The following FBLN7 variants were observed in gnomAD, a reference collection of about 807,000 sequenced individuals.
The protein encoded by FBLN7 is fibulin-7.
A neutral mutation model predicts 44.0 loss-of-function variants in FBLN7; 31 were observed. The ratio of observed to expected loss-of-function variants is 0.70; its 90% CI spans 0.53 to 0.95. The LOEUF (loss-of-function observed/expected upper bound fraction) is 0.95. FBLN7 is among the 40% of genes least tolerant of loss of function. The pLI is 0.00. For synonymous variants in FBLN7, 262 were observed against 253.4 expected (o/e 1.03, Z -0.32); for missense variants, 573 against 618.5 (o/e 0.93, Z 0.78).
the FBLN7 span, among the ~76,000 whole-genome samples, chr2:112,232,191 C>T: frequency 4.0e-5 from 6 of 151,780 alleles, no homozygotes; most frequent in Admixed American, 1.3e-4. Flanking sequence ...GCAGGCATGC[C>T]TGTAATCCCA....
chr2:112,164,108 T>C (rs1682013192), intron 2 of FBLN7, among the ~76,000 whole-genome samples: 3 of 152,204 alleles, frequency 2.0e-5, no homozygotes, highest in African/African-American at 7.2e-5. Context: ...TTGCTTATTA[T>C]CTCCCCTGCT....
chr2:112,187,964 T>G lies in FBLN7; in HGVS notation c.*458T>G, dbSNP rs974037147. 1.6e-5 allele frequency: 3 copies of G among 191,656 alleles called. No homozygotes were observed. The highest frequency in any genetic ancestry group is 4.7e-5 in the African/African-American group (2 of 42,586). The allele number at this position is 191,656 out of a possible 1,614,324, so 11.9% of individuals were successfully genotyped here. On this transcript the variant is annotated 3_prime_UTR_variant, in exon 8 of 8. Coordinates refer to ENST00000331203, the MANE Select transcript of FBLN7 (RefSeq NM_153214.3). The surrounding 1 kb of genome is among the most constrained non-coding windows in gnomAD (Gnocchi z 5.1). ...TAGTCATGCCTCTGCGCATGTGGCA[T>G]AGGAAGTGGAGTCTCCTCCCATGAC...
chr2:112,197,270 CACACAG>C, the FBLN7 span, among the ~76,000 whole-genome samples: 311 of 126,290 alleles, frequency 2.5e-3, 1 homozygote, highest in African/African-American at 9.2e-3. Flanking sequence ...CACACACACA[CACACAG>C]AGAGAGAGAG....
chr2:112,237,684 T>C, the FBLN7 span, among the ~76,000 whole-genome samples: 1 of 151,988 alleles, frequency 6.6e-6, no homozygotes, highest in African/African-American at 2.4e-5. Flanking sequence ...CAAGTGATTC[T>C]CGTGCCTCAG....
intron 3 of FBLN7, among the ~76,000 whole-genome samples, chr2:112,167,689 G>A (rs1682231918): frequency 6.6e-6 from 1 of 152,170 alleles, no homozygotes; most frequent in African/African-American, 2.4e-5. Context: ...AAGTAATACT[G>A]CTGTTAACTA....
At chr2:112,236,821 A>T in the FBLN7 span, 1 of 878,928 alleles carries the variant, frequency 1.1e-6, no homozygotes, top group Non-Finnish European at 1.7e-6. Context: ...CTGAGGCAGG[A>T]GGACTGCTCA....
intron 3 of FBLN7, among the ~76,000 whole-genome samples, chr2:112,173,779 G>C (rs1233700695): frequency 6.6e-6 from 1 of 152,240 alleles, no homozygotes; most frequent in Non-Finnish European, 1.5e-5. Flanking sequence ...GATGACAACT[G>C]TACTTCAATC....
chr2:112,168,392 G>C (rs892911651), intron 3 of FBLN7, among the ~76,000 whole-genome samples: 1 of 152,138 alleles, frequency 6.6e-6, no homozygotes, highest in Admixed American at 6.5e-5. Context: ...AGCATAGATG[G>C]GGCCTGGGCA....
At chr2:112,184,370 G>A (rs1378768945) in intron 6 of FBLN7, among the ~76,000 whole-genome samples, 2 of 152,198 alleles carry the variant, frequency 1.3e-5, no homozygotes, top group Non-Finnish European at 2.9e-5. Flanking sequence ...CCCGCTGCAG[G>A]GCTCTGAGGA....
intron 3 of FBLN7, among the ~76,000 whole-genome samples, chr2:112,171,644 TTTATC>T (rs1043499668): frequency 1.3e-5 from 2 of 152,240 alleles, no homozygotes; most frequent in Non-Finnish European, 2.9e-5. Context: ...CTTCTAGTCT[TTTATC>T]TAAGCACATA....
the FBLN7 span, among the ~76,000 whole-genome samples, chr2:112,202,060 G>A: frequency 6.6e-6 from 1 of 152,128 alleles, no homozygotes; most frequent in Non-Finnish European, 1.5e-5. Context: ...GATACAGCTG[G>A]GATACAAAGC....
chr2:112,207,487 G>A, the FBLN7 span, among the ~76,000 whole-genome samples: 1 of 149,684 alleles, frequency 6.7e-6, no homozygotes, highest in African/African-American at 2.5e-5. Flanking sequence ...AAAAAAGAAT[G>A]TGTATTCTAC....
chr2:112,232,065 T>C, the FBLN7 span: 2 of 502,236 alleles, frequency 4.0e-6, no homozygotes, highest in Non-Finnish European at 6.7e-6. Flanking sequence ...GGCTCATGCC[T>C]GTAGGAGGCG....
chr2:112,181,593 T>A (rs1682994905), intron 4 of FBLN7, 146 bp from the exon 5 acceptor site: 2 of 1,056,962 alleles, frequency 1.9e-6, no homozygotes, highest in East Asian at 6.6e-5. Flanking sequence ...TGTGGTTGAT[T>A]ACTTGTCTCT....
intron 2 of FBLN7, among the ~76,000 whole-genome samples, chr2:112,162,948 CAG>C (rs1459066675): frequency 6.6e-6 from 1 of 152,176 alleles, no homozygotes; most frequent in African/African-American, 2.4e-5. Flanking sequence ...TAATTTATTT[CAG>C]AGGCTGAGGC....
intron 1 of FBLN7, among the ~76,000 whole-genome samples, chr2:112,140,797 G>A (rs998989578): frequency 7.2e-5 from 11 of 152,144 alleles, no homozygotes; most frequent in Non-Finnish European, 1.3e-4. Context: ...GGCCCGGGAG[G>A]TTTCCGAAGC....
chr2:112,223,699 C>CTGA, the FBLN7 span, among the ~76,000 whole-genome samples: 11 of 152,122 alleles, frequency 7.2e-5, no homozygotes, highest in African/African-American at 2.4e-4. Flanking sequence ...TGTAAAATGA[C>CTGA]TGATATAATC....
the FBLN7 span, chr2:112,236,501 A>G: frequency 1.3e-6 from 2 of 1,583,068 alleles, no homozygotes; most frequent in East Asian, 4.5e-5. Flanking sequence ...TCACTGAAGT[A>G]TAAGATCAAG....
At chr2:112,159,489 A>C (rs754632086) in intron 1 of FBLN7, among the ~76,000 whole-genome samples, 187 bp from the exon 2 acceptor site, 6 of 152,170 alleles carry the variant, frequency 3.9e-5, no homozygotes, top group African/African-American at 2.4e-5. Context: ...TGTTTTTGTC[A>C]AGGGGTGAAC....
Sources: gnomAD v4.1 joint callset for allele counts (sites outside exome capture counted in the v4.1 genomes callset) on GRCh38, gnomAD v4.1.1 for gene constraint, Gnocchi (gnomAD v3.1) non-coding constraint, MANE v1.5 for transcripts, NCBI Gene and HGNC (gene_info 2026-07-23, HGNC 2026-07-21) for gene names.